The following POLDIP2 variants were observed in gnomAD, a reference collection of about 807,000 sequenced individuals.
The protein encoded by POLDIP2 is polymerase delta-interacting protein 2.
In POLDIP2, 32 loss-of-function variants were observed where a neutral mutation model predicts 52.9. That is an observed-to-expected ratio of 0.61 (90% CI 0.46 to 0.81). The LOEUF (loss-of-function observed/expected upper bound fraction) is 0.81. Among genes scored for constraint, POLDIP2 ranks in the 40% least tolerant of loss-of-function variants. POLDIP2 has a pLI of 0.00. For missense variants in POLDIP2, 371 were observed against 477.3 expected (o/e 0.78, Z 2.07); for synonymous variants, 183 against 183.0 (o/e 1.00, Z 0.00).
chr17:28,347,381 C>G lies in POLDIP2; in HGVS notation c.*736G>C, dbSNP rs532431070. On this transcript the variant is annotated 3_prime_UTR_variant, in exon 11 of 11. Transcript: ENST00000540200. ...CTAAAGCTGCTCCTCAGCCAAATTC[C>G]TGCATTTGTGGTCTGGATGCTTGGC... The G allele has an allele frequency of 6.6e-6, 1 of 152,332 alleles. No homozygotes were observed. The highest frequency in any genetic ancestry group is 1.9e-4 in the East Asian group (1 of 5,184). The allele number at this position is 152,332 out of a possible 1,614,324, so 9.4% of individuals were successfully genotyped here.
At chr17:28,353,635 A>C in intron 4 of POLDIP2, 60 bp downstream of exon 4, 1 of 1,193,384 alleles carries the variant, frequency 8.4e-7, no homozygotes, top group Non-Finnish European at 1.3e-6. Flanking sequence ...CTTTGTCCCC[A>C]TTGGGATGCA....
In POLDIP2 at chr17:28,348,168, G is replaced by T. The variant is rs781865352; in HGVS notation, c.1056C>A (p.Ser352=). 3 of 1,613,754 alleles carry T rather than the reference G, an allele frequency of 1.9e-6. No individual in the cohort carries two copies. The highest frequency in any genetic ancestry group is 2.2e-5 in the East Asian group (1 of 44,890). The change falls in exon 11 of 11, where the codon TCC becomes TCA. Residue 352 remains serine (S), a synonymous_variant. Transcript: ENST00000540200. The part of the protein sequence containing the change: ...SHFDVRIPPF[S]LESNKDEKTP... ...TCTTCTCATCTTTATTGCTTTCCAG[G>T]GAGAAGGGAGGAATCCGAACATCAA...
Position 28,348,205 on chromosome 17 carries a change from T to A in POLDIP2, c.1019A>T (p.Asp340Val). The change falls in exon 11 of 11, where the codon GAT becomes GTT. Residue 340 changes from aspartate to valine, a missense_variant. Transcript: ENST00000540200. Reference sequence around the variant, plus strand: ...AATCCGAACATCAAAGTGGGAGCCATCAGGTCTTTCAAAGCGGAACGTGCC... The same window carrying A: ...AATCCGAACATCAAAGTGGGAGCCAACAGGTCTTTCAAAGCGGAACGTGCC... ...MWGTFRFERP[D>V]GSHFDVRIPP... 6.2e-7 allele frequency: 1 copy of A among 1,613,788 alleles called. No individual in the cohort carries two copies. The highest frequency in any genetic ancestry group is 8.5e-7 in the Non-Finnish European group (1 of 1,179,708).
At chr17:28,349,728 TTC>T (rs1907725832) in intron 9 of POLDIP2, among the ~76,000 whole-genome samples, 1 of 152,224 alleles carries the variant, frequency 6.6e-6, no homozygotes, top group Non-Finnish European at 1.5e-5. Flanking sequence ...GCTGCTTTAA[TTC>T]TCCTAATGAT....
chr17:28,355,828 C>T lies in POLDIP2; in HGVS notation c.210G>A (p.Val70=), dbSNP rs200062837. 5.6e-6 allele frequency: 9 copies of T among 1,612,678 alleles called. No homozygotes were observed. The African/African-American group carries it at 8.0e-5, about 14-fold the overall frequency. The part of the protein sequence containing the change: ...KVLETVGVFE[V]PKQNGKYETG... Reference sequence around the variant, plus strand: ...TCTCATATTTTCCATTCTGTTTTGGCACCTCAAACACACCAACTGTCTCCA... The same window carrying T: ...TCTCATATTTTCCATTCTGTTTTGGTACCTCAAACACACCAACTGTCTCCA... Residue 70 remains valine (V), a synonymous_variant, in exon 2 of 11, where the codon GTG becomes GTA. Coordinates refer to ENST00000540200, the MANE Select transcript of POLDIP2 (RefSeq NM_015584.5).
chr17:28,355,891 A>C lies in POLDIP2; in HGVS notation c.162-15T>G. 1 of 1,601,036 alleles carries C rather than the reference A, an allele frequency of 6.2e-7. No homozygotes were observed. The highest frequency in any genetic ancestry group is 2.2e-5 in the East Asian group (1 of 44,754). On this transcript the variant is annotated splice_polypyrimidine_tract_variant and intron_variant, in intron 1 of 10. Transcript: ENST00000540200. ...CTGGTCGGTTTCTGAGTAGGAAGGAAAAGAACAAGCAACAGAAAAGCTGAG... is the reference window on the plus strand; with the variant it reads ...CTGGTCGGTTTCTGAGTAGGAAGGACAAGAACAAGCAACAGAAAAGCTGAG...
rs997701172 is a variant in POLDIP2 at position 28,349,663 on chromosome 17, C to T, written c.913-501G>A. ...GGACCTCCTGTGGAGATATCCCCTC[C>T]AGTGTCCATTCACACATGCTGGCGG... is the stretch of plus-strand genomic sequence containing the variant. On this transcript the variant is annotated intron_variant, in intron 9 of 10. Transcript: ENST00000540200. Among the ~76,000 whole-genome samples, 4 of 90,688 alleles carry T rather than the reference C, an allele frequency of 4.4e-5. No homozygotes were observed. In the Admixed American group the frequency reaches 5.4e-4, roughly 12 times the overall value. The allele number at this position is 90,688 out of a possible 152,430, so 59.5% of individuals were successfully genotyped here.
chr17:28,350,897 A>C (rs939648380), intron 7 of POLDIP2, 105 bp from the exon 8 acceptor site: 10 of 948,416 alleles, frequency 1.1e-5, no homozygotes, highest in Middle Eastern at 2.1e-4. Context: ...GGTTGCAGAC[A>C]GACCAAGCTG....
chr17:28,351,840 T>C, intron 6 of POLDIP2, 40 bp from the exon 7 acceptor site: 1 of 1,580,260 alleles, frequency 6.3e-7, no homozygotes, highest in Non-Finnish European at 8.7e-7. Flanking sequence ...TTGTGTGTTG[T>C]GGATACAATT....
intron 2 of POLDIP2, among the ~76,000 whole-genome samples, 190 bp downstream of exon 2, chr17:28,355,605 C>G (rs1426635368): frequency 2.0e-5 from 3 of 151,696 alleles, no homozygotes; most frequent in Non-Finnish European, 4.4e-5. Context: ...GAAACTCCGT[C>G]TCACAAAAAA....
At position 28,348,081 on chromosome 17, in the gene POLDIP2, G is replaced by T; in HGVS notation, c.*36C>A. The T allele has an allele frequency of 7.9e-7, 1 of 1,258,558 alleles. No homozygotes were observed. The highest frequency in any genetic ancestry group is 1.2e-6 in the Non-Finnish European group (1 of 856,906). The allele number at this position is 1,258,558 out of a possible 1,614,324, so 78.0% of individuals were successfully genotyped here. ...TTGTGGGATGAGAGTTGTTCTTCCC[G>T]GTGACCAAGCCTGGGCACTTGGGGC... On this transcript the variant is annotated 3_prime_UTR_variant, in exon 11 of 11. Coordinates refer to ENST00000540200, the MANE Select transcript of POLDIP2 (RefSeq NM_015584.5).
chr17:28,356,203 A>C (rs1555580895), intron 1 of POLDIP2, among the ~76,000 whole-genome samples: 1 of 151,772 alleles, frequency 6.6e-6, no homozygotes. Context: ...ACAGCACTTT[A>C]ACTGTCTTGC....
At position 28,347,406 on chromosome 17, in the gene POLDIP2, CAG is replaced by C. The variant is rs1555579186; in HGVS notation, c.*709_*710del. 1 of 152,250 alleles carries C rather than the reference CAG, an allele frequency of 6.6e-6. No individual in the cohort carries two copies. Among genetic ancestry groups the C allele is most frequent in the African/African-American group, 2.4e-5 (1 of 41,452 alleles). The allele number at this position is 152,250 out of a possible 1,614,324, so 9.4% of individuals were successfully genotyped here. On this transcript the variant is annotated 3_prime_UTR_variant, in exon 11 of 11. Transcript: ENST00000540200. The stretch of plus-strand genomic sequence containing the variant: ...CTGCATTTGTGGTCTGGATGCTTGG[CAG>C]AGTCATGCTGAGGGCTGGCACACCC...
rs1270928971 is a variant in POLDIP2 at position 28,346,972 on chromosome 17, G to T, written c.*1145C>A. 1 of 152,196 alleles carries T rather than the reference G, an allele frequency of 6.6e-6. No homozygotes were observed. The highest frequency in any genetic ancestry group is 1.9e-4 in the East Asian group (1 of 5,200). 9.4% of individuals were successfully genotyped at this position (152,196 alleles called of 1,614,324 possible). A position where few individuals can be genotyped will look rare whatever the true frequency, so the allele number is the denominator to read the frequency against. ...TGGTTGCTCAGCATAAGTGATGGAA[G>T]CAAACACTAATTTCTAATAAAATTG... On this transcript the variant is annotated 3_prime_UTR_variant, in exon 11 of 11. Coordinates refer to ENST00000540200, the MANE Select transcript of POLDIP2 (RefSeq NM_015584.5).
intron 6 of POLDIP2, among the ~76,000 whole-genome samples, chr17:28,352,524 CA>C (rs57926630): frequency 1 from 146,247 of 146,258 alleles, 73,118 homozygotes; most frequent in Middle Eastern, 1. Context: ...GCGTGAGCCA[CA>C]AGCACCCGGG....
Position 28,353,754 on chromosome 17 carries a change from T to C in POLDIP2, c.379A>G (p.Lys127Glu). 6.2e-7 allele frequency: 1 copy of C among 1,613,496 alleles called. No homozygotes were observed. Among genetic ancestry groups the C allele is most frequent in the Non-Finnish European group, 8.5e-7 (1 of 1,179,640 alleles). ...TGATAGTAAGTGTGAGTTTTGCCTT[T>C]CACCTCCTTGGAGCCATGGCCAGCA... ...NPAGHGSKEV[K>E]GKTHTYYQVL... Residue 127 changes from lysine (K) to glutamate (E), a missense_variant, in exon 4 of 11, where the codon AAA (lysine) becomes GAA (glutamate). Lys to Glu is a moderately conservative substitution (Grantham distance 56). Transcript: ENST00000540200.
chr17:28,352,985 G>A lies in POLDIP2; in HGVS notation c.549C>T (p.Pro183=), dbSNP rs546753383. The part of the protein sequence containing the change: ...LDYVSHEDIL[P]YTSTDQVPIQ... Reference sequence around the variant, plus strand: ...TGGGAACCTGATCAGTGGAGGTGTAGGGGAGGATGTCTTCATGGCTGACAT... The same window carrying A: ...TGGGAACCTGATCAGTGGAGGTGTAAGGGAGGATGTCTTCATGGCTGACAT... The change falls in exon 6 of 11, where the codon CCC becomes CCT. Residue 183 remains proline (P), a synonymous_variant. Transcript: ENST00000540200. 9.6e-6 allele frequency: 13 copies of A among 1,348,592 alleles called. No individual in the cohort carries two copies. The African/African-American group carries it at 1.3e-4, about 13-fold the overall frequency. The allele number at this position is 1,348,592 out of a possible 1,614,324, so 83.5% of individuals were successfully genotyped here. A position where few individuals can be genotyped will look rare whatever the true frequency, so the allele number is the denominator to read the frequency against.
At chr17:28,353,857 C>T in intron 3 of POLDIP2, 66 bp from the exon 4 acceptor site, 5 of 1,003,692 alleles carry the variant, frequency 5.0e-6, no homozygotes, top group Non-Finnish European at 8.0e-6. Context: ...TGACTCAGCT[C>T]CCTACTCCTC....
chr17:28,353,520 C>CCAAAAAAAA (rs1907896470), intron 4 of POLDIP2, among the ~76,000 whole-genome samples, 175 bp downstream of exon 4: 1 of 54,812 alleles, frequency 1.8e-5, no homozygotes. Flanking sequence ...GACTCCATAT[C>CCAAAAAAAA]AAAAAAAAAA....
Sources: gnomAD v4.1 joint callset for allele counts (sites outside exome capture counted in the v4.1 genomes callset) on GRCh38, gnomAD v4.1.1 for gene constraint, MANE v1.5 for transcripts, NCBI Gene and HGNC (gene_info 2026-07-23, HGNC 2026-07-21) for gene names.